The following ASXL3 variants were observed in gnomAD, a reference collection of about 807,000 sequenced individuals.
ASXL3 encodes ASXL transcriptional regulator 3.
In ASXL3, 34 loss-of-function variants were observed where a neutral mutation model predicts 170.6. The ratio of observed to expected loss-of-function variants is 0.20; its 90% CI spans 0.15 to 0.27. The LOEUF is 0.27. Ranked by LOEUF, ASXL3 falls within the 10% of genes least tolerant of loss-of-function variation. The pLI, the probability that ASXL3 is intolerant of heterozygous loss-of-function variation, is 1.00. For synonymous variants in ASXL3, 1,002 were observed against 989.1 expected, an observed-to-expected ratio of 1.01 and a Z score of -0.24; for missense variants, 2,592 against 2,695.3, an observed-to-expected ratio of 0.96 and a Z score of 0.85.
chr18:33,713,264 T>TTTG, intron 8 of ASXL3, among the ~76,000 whole-genome samples: 11 of 121,402 alleles, frequency 9.1e-5, no homozygotes, highest in African/African-American at 3.3e-4. Context: ...TTTTTTTTTT[T>TTTG]TTTTTTTTTT....
At chr18:33,625,654 G>A (rs1384397845) in intron 2 of ASXL3, 1 of 151,958 alleles carries the variant, frequency 6.6e-6, no homozygotes, top group African/African-American at 2.4e-5. Flanking sequence ...AAGGTTTCTA[G>A]GTATCTGACA....
Position 33,608,991 on chromosome 18 carries a change from G to A in ASXL3, c.137+1315G>A, listed in dbSNP as rs529188262. 8.0e-5 allele frequency: 78 copies of A among 975,450 alleles called. No individual in the cohort carries two copies. The South Asian group carries it at 2.8e-3, about 36-fold the overall frequency. 60.4% of individuals were successfully genotyped at this position (975,450 alleles called of 1,614,324 possible). ...TTGGAGACTTTTTTTTTTTGCCTACGCTGGAGAAATAGCCTAAGATAATAT... is the reference window on the plus strand; with the variant it reads ...TTGGAGACTTTTTTTTTTTGCCTACACTGGAGAAATAGCCTAAGATAATAT... On this transcript the variant is annotated intron_variant, in intron 2 of 11. Transcript: ENST00000269197.
intron 2 of ASXL3, chr18:33,641,699 T>G (rs2065849414): frequency 1.3e-5 from 2 of 152,352 alleles, no homozygotes; most frequent in Admixed American, 1.3e-4. Flanking sequence ...TTGTCCTATT[T>G]GTTGAAATGG....
At chr18:33,590,983 C>A (rs2065072103) in intron 1 of ASXL3, among the ~76,000 whole-genome samples, 1 of 152,136 alleles carries the variant, frequency 6.6e-6, no homozygotes, top group Non-Finnish European at 1.5e-5. Flanking sequence ...CCAAGAAGAA[C>A]CTTTATTGAT....
At chr18:33,713,298 A>G (rs1408619066) in intron 8 of ASXL3, among the ~76,000 whole-genome samples, 2 of 85,742 alleles carry the variant, frequency 2.3e-5, no homozygotes, top group African/African-American at 9.8e-5. Flanking sequence ...ACCGTCACCC[A>G]GGCTGGAGTG....
At chr18:33,741,600 C>T (rs2067664540) in intron 11 of ASXL3, among the ~76,000 whole-genome samples, 1 of 151,822 alleles carries the variant, frequency 6.6e-6, no homozygotes, top group Non-Finnish European at 1.5e-5. Context: ...TTTTTTTGGC[C>T]TTTGGAATAG....
chr18:33,727,593 C>T (rs961180953), intron 8 of ASXL3, among the ~76,000 whole-genome samples: 3 of 152,046 alleles, frequency 2.0e-5, no homozygotes, highest in East Asian at 1.9e-4. Flanking sequence ...TTTTTCTCCT[C>T]CTAATGAAAT....
chr18:33,735,465 A>G (rs567314097), intron 10 of ASXL3, among the ~76,000 whole-genome samples: 90 of 152,334 alleles, frequency 5.9e-4, no homozygotes, highest in Non-Finnish European at 1.1e-3. Context: ...AAGATAATTA[A>G]TGTCTTTTCT....
Position 33,743,040 on chromosome 18 carries a change from T to C in ASXL3, c.3192T>C (p.Ala1064=). ...LADIKARAQQ[A]RAQREAAAAA... is the part of the protein sequence containing the mutation. ...ATATCAAGGCCCGGGCCCAACAAGCTCGGGCCCAGCGAGAGGCTGCTGCAG... is the reference window on the plus strand; with the variant it reads ...ATATCAAGGCCCGGGCCCAACAAGCCCGGGCCCAGCGAGAGGCTGCTGCAG... The change falls in exon 12 of 12, where the codon GCT becomes GCC. Residue 1064 remains alanine (A), a synonymous_variant. Transcript: ENST00000269197. 1 of 1,613,408 alleles carries C rather than the reference T, an allele frequency of 6.2e-7. No homozygotes were observed. The highest frequency in any genetic ancestry group is 8.5e-7 in the Non-Finnish European group (1 of 1,179,742).
chr18:33,743,552 C>A lies in ASXL3; in HGVS notation c.3704C>A (p.Ser1235Tyr), dbSNP rs1468967860. Residue 1235 changes from serine (S) to tyrosine (Y), a missense_variant, in exon 12 of 12, where the codon TCT becomes TAT. Ser to Tyr is a moderately radical substitution (Grantham distance 144, BLOSUM62 -2). This residue lies in a region of ASXL3 where 2,246 missense variants were observed against 2,219.6 expected (regional missense o/e 1.01). Transcript: ENST00000269197. ...SSVPMLFNKN[S>Y]VPVSVCSTAI... ...GTGCCCATGCTTTTTAATAAAAATT[C>A]TGTCCCTGTATCTGTTTGCAGCACT... 37 of 1,613,200 alleles carry A rather than the reference C, an allele frequency of 2.3e-5. No homozygotes were observed. The highest frequency in any genetic ancestry group is 3.1e-5 in the Non-Finnish European group (37 of 1,179,874).
intron 8 of ASXL3, among the ~76,000 whole-genome samples, chr18:33,708,737 T>G (rs2067005502): frequency 6.6e-6 from 1 of 152,176 alleles, no homozygotes; most frequent in Admixed American, 6.6e-5. Context: ...GAGGAAAAAT[T>G]CCCCAAGGCT....
At chr18:33,600,053 G>T (rs1377970352) in intron 1 of ASXL3, among the ~76,000 whole-genome samples, 1 of 152,072 alleles carries the variant, frequency 6.6e-6, no homozygotes, top group Non-Finnish European at 1.5e-5. Context: ...TTATTTTAAT[G>T]AGTGTAATTC....
Position 33,750,061 on chromosome 18 carries a change from A to C in ASXL3, c.*3466A>C, listed in dbSNP as rs978571018. 6.6e-6 allele frequency: 1 copy of C among 152,246 alleles called. No individual in the cohort carries two copies. Among genetic ancestry groups the C allele is most frequent in the Non-Finnish European group, 1.5e-5 (1 of 68,084 alleles). The allele number at this position is 152,246 out of a possible 1,614,324, so 9.4% of individuals were successfully genotyped here. A position where few individuals can be genotyped will look rare whatever the true frequency, so the allele number is the denominator to read the frequency against. Reference sequence around the variant, plus strand: ...TAGAAGCTGAAGCCAAGCCTAGGGTAGCATCGTCTGTACGGTGGTGAGGCC... The same window carrying C: ...TAGAAGCTGAAGCCAAGCCTAGGGTCGCATCGTCTGTACGGTGGTGAGGCC... On this transcript the variant is annotated 3_prime_UTR_variant, in exon 12 of 12. Transcript: ENST00000269197.
intron 8 of ASXL3, among the ~76,000 whole-genome samples, chr18:33,731,258 A>G (rs1406515268): frequency 3.3e-5 from 5 of 152,182 alleles, no homozygotes; most frequent in African/African-American, 1.2e-4. Context: ...TCAGGTAATT[A>G]TAATTAGTGC....
At chr18:33,697,518 C>A (rs2066791568) in intron 8 of ASXL3, among the ~76,000 whole-genome samples, 3 of 152,106 alleles carry the variant, frequency 2.0e-5, no homozygotes, top group African/African-American at 7.2e-5. Context: ...CTTATGATAT[C>A]TTAGGCAGAA....
At chr18:33,650,265 G>C (rs62092366) in intron 4 of ASXL3, among the ~76,000 whole-genome samples, 1 of 152,014 alleles carries the variant, frequency 6.6e-6, no homozygotes, top group Non-Finnish European at 1.5e-5. Flanking sequence ...TGAATAGTTA[G>C]TAATATAGTC....
At chr18:33,724,461 C>T (rs574449135) in intron 8 of ASXL3, among the ~76,000 whole-genome samples, 10 of 152,114 alleles carry the variant, frequency 6.6e-5, no homozygotes, top group Non-Finnish European at 2.9e-5. Context: ...TAGTCTCTAG[C>T]ATGGGGAAAT....
rs75389654 is a variant in ASXL3 at position 33,746,933 on chromosome 18, C to A, written c.*338C>A. 4.8e-3 allele frequency: 970 copies of A among 201,442 alleles called. 5 individuals are homozygous for A. The highest frequency in any genetic ancestry group is 0.021 in the African/African-American group (905 of 43,442). The allele number at this position is 201,442 out of a possible 1,614,324, so 12.5% of individuals were successfully genotyped here. A position where few individuals can be genotyped will look rare whatever the true frequency, so the allele number is the denominator to read the frequency against. On this transcript the variant is annotated 3_prime_UTR_variant, in exon 12 of 12. Coordinates refer to ENST00000269197, the MANE Select transcript of ASXL3 (RefSeq NM_030632.3). ...AGGACATTTTTAATTACTTAATAAC[C>A]GGAAATGCAGATGTGTAAGGAGAAT...
chr18:33,744,898 G>A lies in ASXL3; in HGVS notation c.5050G>A (p.Glu1684Lys). The change falls in exon 12 of 12, where the codon GAA (glutamate) becomes AAA (lysine). Residue 1684 changes from glutamate (E) to lysine (K), a missense_variant. By Grantham distance (56) the Glu-to-Lys change is moderately conservative (BLOSUM62 1). Transcript: ENST00000269197. ...AGACAAGGGCTTTAGAATGGACACT[G>A]AAGACTTCCCTGGCCCTGAGCTGCC... ...EADKGFRMDT[E>K]DFPGPELPPP... 9 of 1,614,028 alleles carry A rather than the reference G, an allele frequency of 5.6e-6. No homozygotes were observed. The highest frequency in any genetic ancestry group is 7.6e-6 in the Non-Finnish European group (9 of 1,179,894).
Sources: allele counts gnomAD v4.1 joint callset (sites outside exome capture counted in the v4.1 genomes callset), GRCh38; gene constraint gnomAD v4.1.1; regional missense constraint gnomAD v4.1.1; transcripts MANE v1.5; gene names NCBI Gene and HGNC (gene_info 2026-07-23, HGNC 2026-07-21).